The following EXPH5 variants were observed in gnomAD, a reference collection of about 807,000 sequenced individuals.
EXPH5 encodes the protein exophilin-5.
A neutral mutation model predicts 41.1 loss-of-function variants in EXPH5; 42 were observed. That is an observed-to-expected ratio of 1.02 (90% confidence interval 0.80 to 1.32). The LOEUF (loss-of-function observed/expected upper bound fraction) is 1.32. Ranked by LOEUF, EXPH5 falls within the 40% of genes most tolerant of loss-of-function variation. The pLI is 0.00. For missense variants in EXPH5, 2,298 were observed against 2,314.5 expected, an observed-to-expected ratio of 0.99 and a Z score of 0.15; for synonymous variants, 798 against 833.5, an observed-to-expected ratio of 0.96 and a Z score of 0.73.
chr11:108,539,285 T>A (rs1424552037), intron 2 of EXPH5, 99 bp from the exon 3 acceptor site: 25 of 903,302 alleles, frequency 2.8e-5, no homozygotes, highest in South Asian at 5.4e-5. Context: ...CTCCCTCTTA[T>A]GCAGACTAGA....
chr11:108,605,531 C>T, the EXPH5 span, among the ~76,000 whole-genome samples: 5 of 152,234 alleles, frequency 3.3e-5, no homozygotes, highest in Admixed American at 1.3e-4. Context: ...GGCAGAGATG[C>T]GGCTAAATAT....
chr11:108,586,084 G>A (rs779445640), intron 1 of EXPH5, among the ~76,000 whole-genome samples: 31 of 152,074 alleles, frequency 2.0e-4, no homozygotes, highest in East Asian at 7.7e-4. Context: ...GACCACAGAC[G>A]CGTGCCACCA....
At chr11:108,543,599 T>C (rs548268484) in intron 1 of EXPH5, among the ~76,000 whole-genome samples, 1 of 152,260 alleles carries the variant, frequency 6.6e-6, no homozygotes, top group African/African-American at 2.4e-5. Context: ...AGTGTTAGGG[T>C]CTTTGTATTG....
chr11:108,572,523 T>C (rs1047693638), intron 1 of EXPH5, among the ~76,000 whole-genome samples: 1 of 152,232 alleles, frequency 6.6e-6, no homozygotes, highest in Admixed American at 6.5e-5. Flanking sequence ...TTTTGTTTGC[T>C]TTCTTGTCTA....
At chr11:108,585,658 A>T (rs939157318) in intron 1 of EXPH5, among the ~76,000 whole-genome samples, 1 of 152,204 alleles carries the variant, frequency 6.6e-6, no homozygotes, top group African/African-American at 2.4e-5. Flanking sequence ...ACTCTTATAT[A>T]CTGTTGGTAG....
At position 108,512,326 on chromosome 11, in the gene EXPH5, C is replaced by A. The variant is rs1383059384; in HGVS notation, c.3181G>T (p.Ala1061Ser). The A allele has an allele frequency of 6.2e-7, 1 of 1,612,946 alleles. No individual in the cohort carries two copies. Among genetic ancestry groups the A allele is most frequent in the African/African-American group, 1.3e-5 (1 of 74,858 alleles). ...TTGTTTAACATATAGTTCCCCATTGCATCTTCCACATTATTTTTGATTTGG... is the reference window on the plus strand; with the variant it reads ...TTGTTTAACATATAGTTCCCCATTGAATCTTCCACATTATTTTTGATTTGG... The part of the protein sequence containing the change: ...PFQIKNNVED[A>S]MGNYMLNKFS... The change falls in exon 6 of 6, where the codon GCA (alanine) becomes TCA (serine). Residue 1061 changes from alanine to serine, a missense_variant. Physicochemically the swap from Ala to Ser is moderately conservative, Grantham distance 99 (BLOSUM62 1). Transcript: ENST00000265843.
intron 1 of EXPH5, among the ~76,000 whole-genome samples, chr11:108,586,318 C>T (rs1433260995): frequency 1.3e-5 from 2 of 152,136 alleles, no homozygotes; most frequent in African/African-American, 4.8e-5. Flanking sequence ...AAGCCATTCT[C>T]AAAAGGTTAT....
chr11:108,538,596 T>G (rs1477837273), intron 3 of EXPH5, among the ~76,000 whole-genome samples: 2 of 152,166 alleles, frequency 1.3e-5, no homozygotes, highest in African/African-American at 4.8e-5. Context: ...TCTCACATTT[T>G]CTCTCATCTA....
intron 3 of EXPH5, among the ~76,000 whole-genome samples, chr11:108,536,798 G>A (rs1484124185): frequency 6.6e-6 from 1 of 152,190 alleles, no homozygotes; most frequent in Non-Finnish European, 1.5e-5. Context: ...AAAAGTTTCT[G>A]ATAAGCACGT....
rs535666975 is a variant in EXPH5, at chr11:108,518,331, C to T, written c.535G>A (p.Asp179Asn). ...GCTGGCTTTGGGACAAATGTACTGT[C>T]AACTAGATGATTTTCCAGAGGTGAA... Reference protein sequence around the residue: ...YNSPLENHLVDSTFVPKPAVM... With the variant: ...YNSPLENHLVNSTFVPKPAVM... The change falls in exon 5 of 6, where the codon GAC becomes AAC. Residue 179 changes from aspartate (D) to asparagine (N), a missense_variant. Coordinates refer to ENST00000265843, the MANE Select transcript of EXPH5 (RefSeq NM_015065.3). 1.1e-5 allele frequency: 18 copies of T among 1,613,946 alleles called. No homozygotes were observed. The African/African-American group carries it at 1.3e-4, about 12-fold the overall frequency.
chr11:108,520,656 T>TCCCTGGCTCAAGCAATTC (rs1163706153), intron 4 of EXPH5, among the ~76,000 whole-genome samples: 3 of 152,130 alleles, frequency 2.0e-5, no homozygotes, highest in African/African-American at 7.2e-5. Context: ...ACCATCCACC[T>TCCCTGGCTCAAGCAATTC]CCCTGGCTCA....
At chr11:108,586,881 T>C (rs1275333750) in intron 1 of EXPH5, among the ~76,000 whole-genome samples, 1 of 151,962 alleles carries the variant, frequency 6.6e-6, no homozygotes, top group African/African-American at 2.4e-5. Flanking sequence ...AATAGGGCCA[T>C]TGGCAATGTC....
chr11:108,572,964 C>T (rs1341312062), intron 1 of EXPH5, among the ~76,000 whole-genome samples: 1 of 151,298 alleles, frequency 6.6e-6, no homozygotes, highest in Non-Finnish European at 1.5e-5. Flanking sequence ...GTCTGTAATC[C>T]TAGCAGTCTG....
At chr11:108,592,129 G>T (rs1200144969) in intron 1 of EXPH5, among the ~76,000 whole-genome samples, 1 of 152,056 alleles carries the variant, frequency 6.6e-6, no homozygotes, top group Non-Finnish European at 1.5e-5. Context: ...TGTGGGTGTG[G>T]CATACTGTTC....
intron 1 of EXPH5, among the ~76,000 whole-genome samples, chr11:108,545,176 G>A (rs577161084): frequency 6.6e-6 from 1 of 152,340 alleles, no homozygotes; most frequent in African/African-American, 2.4e-5. Flanking sequence ...CACTTCGGGA[G>A]GCCGAGGCAG....
rs1315942478 is a variant in EXPH5 at position 108,516,239 on chromosome 11, G to A, written c.632-1364C>T. On this transcript the variant is annotated intron_variant, in intron 5 of 5. Coordinates refer to ENST00000265843, the MANE Select transcript of EXPH5 (RefSeq NM_015065.3). ...CTCTCGGTAGCAAAGTCAGGGAGTG[G>A]TGTCAAAGTCAGTGCCCAGGGGCCC... Among the ~76,000 whole-genome samples, 3 of 152,112 alleles carry A rather than the reference G, an allele frequency of 2.0e-5. No individual in the cohort carries two copies. The East Asian group carries it at 5.8e-4, about 29-fold the overall frequency.
intron 3 of EXPH5, among the ~76,000 whole-genome samples, chr11:108,536,329 T>A (rs7106132): frequency 0.019 from 2,897 of 151,084 alleles, 84 homozygotes; most frequent in African/African-American, 0.064. Flanking sequence ...CAGGCTGGAG[T>A]GCAGCGGCTC....
At chr11:108,516,396 C>T (rs184467642) in intron 5 of EXPH5, among the ~76,000 whole-genome samples, 44 of 152,182 alleles carry the variant, frequency 2.9e-4, no homozygotes, top group African/African-American at 1.0e-3. Context: ...TGAATTGTAT[C>T]CATTTAATTG....
chr11:108,551,340 G>A (rs2093963967), intron 1 of EXPH5, among the ~76,000 whole-genome samples: 1 of 152,226 alleles, frequency 6.6e-6, no homozygotes, highest in African/African-American at 2.4e-5. Flanking sequence ...TATGATTGAA[G>A]AGAGAGCAGT....
Sources: allele counts gnomAD v4.1 joint callset (sites outside exome capture counted in the v4.1 genomes callset), GRCh38; gene constraint gnomAD v4.1.1; transcripts MANE v1.5; gene names NCBI Gene and HGNC (gene_info 2026-07-23, HGNC 2026-07-21).